The following PM20D2 variants were observed in gnomAD, a reference collection of about 807,000 sequenced individuals.
PM20D2 encodes xaa-Arg dipeptidase.
A neutral mutation model predicts 42.9 loss-of-function variants in PM20D2; 33 were observed. The observed-to-expected ratio is 0.77, with a 90% CI of 0.58 to 1.03. The LOEUF (loss-of-function observed/expected upper bound fraction) is 1.03, where lower values mean the gene tolerates loss of function less well. PM20D2 is among the 50% of genes least tolerant of loss of function. PM20D2 has a pLI of 0.00. For missense variants in PM20D2, 548 were observed against 557.0 expected, an observed-to-expected ratio of 0.98 and a Z score of 0.16; for synonymous variants, 250 against 228.2, an observed-to-expected ratio of 1.10 and a Z score of -0.86.
the PM20D2 span, among the ~76,000 whole-genome samples, chr6:89,107,667 T>G: frequency 6.6e-6 from 1 of 151,586 alleles, no homozygotes; most frequent in African/African-American, 2.4e-5. Flanking sequence ...CATGGGGAGG[T>G]TGAGGCTGCA....
the PM20D2 span, among the ~76,000 whole-genome samples, chr6:89,134,723 T>C: frequency 6.6e-6 from 1 of 151,162 alleles, no homozygotes; most frequent in Non-Finnish European, 1.5e-5. Context: ...TTAGATACTC[T>C]CTCAGGTGGG....
chr6:89,111,089 G>C, the PM20D2 span, among the ~76,000 whole-genome samples: 1 of 151,724 alleles, frequency 6.6e-6, no homozygotes, highest in African/African-American at 2.4e-5. Flanking sequence ...TCCAGTCTGG[G>C]AAGACAGGGT....
At chr6:89,145,875 G>A (rs1770512964), upstream of PM20D2, among the ~76,000 whole-genome samples, 1 of 152,228 alleles carries the variant, frequency 6.6e-6, no homozygotes, top group African/African-American at 2.4e-5. Context: ...AGCAGCCAAG[G>A]AGGTGGAAGA....
the PM20D2 span, among the ~76,000 whole-genome samples, chr6:89,123,581 G>A: frequency 1.2e-4 from 18 of 151,694 alleles, no homozygotes; most frequent in Non-Finnish European, 2.4e-4. Context: ...AATTAGCTGG[G>A]CATGGTGGTG....
chr6:89,146,056 TG>T lies in PM20D2; in HGVS notation c.-87del. 1 of 1,186,892 alleles carries T rather than the reference TG, an allele frequency of 8.4e-7. No individual in the cohort carries two copies. Among genetic ancestry groups the T allele is most frequent in the Non-Finnish European group, 1.1e-6 (1 of 914,244 alleles). 73.5% of individuals were successfully genotyped at this position (1,186,892 alleles called of 1,614,324 possible). On this transcript the variant is annotated 5_prime_UTR_variant, in exon 1 of 7. Transcript: ENST00000275072. ...CCGCGTGCGCGCTCCGCCGGGGTCCTGGAGGCCTCTGGGCGCGTGCGCGGGC... is the reference window on the plus strand; with the variant it reads ...CCGCGTGCGCGCTCCGCCGGGGTCCTGAGGCCTCTGGGCGCGTGCGCGGGC...
At chr6:89,111,568 A>G in the PM20D2 span, among the ~76,000 whole-genome samples, 1 of 152,144 alleles carries the variant, frequency 6.6e-6, no homozygotes, top group Admixed American at 6.5e-5. Flanking sequence ...AGTATTTTCT[A>G]TGTAAGCAAA....
chr6:89,123,501 G>T, the PM20D2 span, among the ~76,000 whole-genome samples: 1 of 151,102 alleles, frequency 6.6e-6, no homozygotes, highest in African/African-American at 2.4e-5. Context: ...CAGGAGGATT[G>T]CATAAGGGCA....
chr6:89,119,900 G>A, the PM20D2 span, among the ~76,000 whole-genome samples: 4 of 152,070 alleles, frequency 2.6e-5, no homozygotes, highest in African/African-American at 9.7e-5. Flanking sequence ...TCCTGCCTTG[G>A]CCTCCCAAAG....
chr6:89,115,141 A>G, the PM20D2 span, among the ~76,000 whole-genome samples: 3 of 151,840 alleles, frequency 2.0e-5, no homozygotes, highest in African/African-American at 7.3e-5. Flanking sequence ...TCTGTCACCC[A>G]GGCTGGAGTA....
At chr6:89,161,286 G>A (rs1467134263) in intron 5 of PM20D2, among the ~76,000 whole-genome samples, 1 of 152,222 alleles carries the variant, frequency 6.6e-6, no homozygotes, top group African/African-American at 2.4e-5. Flanking sequence ...ACTGGGAAGA[G>A]ATTTGAGTTG....
Position 89,164,144 on chromosome 6 carries a change from A to G in PM20D2, c.*1881A>G, listed in dbSNP as rs989408841. The G allele has an allele frequency of 1.3e-5, 2 of 152,218 alleles. No homozygotes were observed. The highest frequency in any genetic ancestry group is 2.9e-5 in the Non-Finnish European group (2 of 68,026). The allele number at this position is 152,218 out of a possible 1,614,324, so 9.4% of individuals were successfully genotyped here. A position where few individuals can be genotyped will look rare whatever the true frequency, so the allele number is the denominator to read the frequency against. ...AAATTTTCCCTTTTTAATTGCCTCT[A>G]TAGCACTCATAAGAGCTAGGGCATT... On this transcript the variant is annotated 3_prime_UTR_variant, in exon 7 of 7. Coordinates refer to ENST00000275072, the MANE Select transcript of PM20D2 (RefSeq NM_001010853.3).
At chr6:89,117,682 T>A in the PM20D2 span, 9 of 785,728 alleles carry the variant, frequency 1.1e-5, no homozygotes, top group Non-Finnish European at 1.6e-5. Context: ...GGCTCACACC[T>A]CCCCAAGTGG....
intron 5 of PM20D2, among the ~76,000 whole-genome samples, chr6:89,160,033 C>G (rs1771184150): frequency 6.6e-6 from 1 of 152,116 alleles, no homozygotes; most frequent in South Asian, 2.1e-4. Context: ...CAAGTAAGAT[C>G]TTAAAATATG....
At chr6:89,106,985 A>G in the PM20D2 span, 5 of 720,290 alleles carry the variant, frequency 6.9e-6, no homozygotes. Context: ...GTTGGTTCAA[A>G]CTGGGGGGTG....
intron 4 of PM20D2, among the ~76,000 whole-genome samples, chr6:89,157,047 T>A (rs1771073103): frequency 6.6e-6 from 1 of 152,256 alleles, no homozygotes; most frequent in East Asian, 1.9e-4. Flanking sequence ...TCCCTTATGG[T>A]AAGGTTTGTT....
At chr6:89,109,185 C>G in the PM20D2 span, among the ~76,000 whole-genome samples, 7 of 152,146 alleles carry the variant, frequency 4.6e-5, no homozygotes, top group Non-Finnish European at 1.0e-4. Flanking sequence ...CAGACAGAGG[C>G]ACCCCAACCC....
At chr6:89,131,836 AGT>A in the PM20D2 span, among the ~76,000 whole-genome samples, 5 of 152,186 alleles carry the variant, frequency 3.3e-5, no homozygotes, top group Non-Finnish European at 7.4e-5. Context: ...CAGAGTCAGT[AGT>A]GTGTGCACCT....
the PM20D2 span, among the ~76,000 whole-genome samples, chr6:89,138,809 G>A: frequency 5.9e-5 from 9 of 152,160 alleles, no homozygotes; most frequent in Non-Finnish European, 1.0e-4. Flanking sequence ...AGGTTGCAGT[G>A]AGCAGAGATG....
At chr6:89,142,513 G>A (rs1001403218), upstream of PM20D2, among the ~76,000 whole-genome samples, 3 of 152,142 alleles carry the variant, frequency 2.0e-5, no homozygotes, top group African/African-American at 7.2e-5. Flanking sequence ...AAACTGAAAC[G>A]ATGTAGGCTG....
Sources: gnomAD v4.1 joint callset for allele counts (sites outside exome capture counted in the v4.1 genomes callset) on GRCh38, gnomAD v4.1.1 for gene constraint, MANE v1.5 for transcripts, NCBI Gene and HGNC (gene_info 2026-07-23, HGNC 2026-07-21) for gene names.